Variants in ADSS2 observed in about 807,000 individuals in gnomAD.
ADSS2 encodes the protein adenylosuccinate synthase 2.
A neutral mutation model predicts 60.0 loss-of-function variants in ADSS2; 30 were observed. That is an observed-to-expected ratio of 0.50 (90% CI 0.37 to 0.68). ADSS2 has a LOEUF of 0.68. Among genes scored for constraint, ADSS2 ranks in the 30% least tolerant of loss-of-function variants. The pLI, the probability that ADSS2 is intolerant of heterozygous loss-of-function variation, is 0.00. For missense variants in ADSS2, 373 were observed against 554.8 expected, an observed-to-expected ratio of 0.67 and a Z score of 3.29; for synonymous variants, 187 against 193.1, an observed-to-expected ratio of 0.97 and a Z score of 0.26.
At chr1:244,428,027 T>C (rs1193927422) in intron 4 of ADSS2, among the ~76,000 whole-genome samples, 1 of 152,170 alleles carries the variant, frequency 6.6e-6, no homozygotes, top group East Asian at 1.9e-4. Context: ...ACAATTACTG[T>C]TGGAGGTTCA....
At chr1:244,419,560 T>C (rs1264766451) in intron 8 of ADSS2, among the ~76,000 whole-genome samples, 1 of 152,212 alleles carries the variant, frequency 6.6e-6, no homozygotes, top group Admixed American at 6.5e-5. Context: ...AATAGTTTAC[T>C]TGGAGTCAAA....
At chr1:244,411,163 G>C in intron 12 of ADSS2, 124 bp downstream of exon 12, 1 of 958,594 alleles carries the variant, frequency 1.0e-6, no homozygotes, top group Non-Finnish European at 1.5e-6. Flanking sequence ...AGAGGTTGCA[G>C]TGAGCCGAGA....
intron 12 of ADSS2, among the ~76,000 whole-genome samples, chr1:244,410,061 T>A (rs571006483): frequency 6.6e-6 from 1 of 152,358 alleles, no homozygotes; most frequent in South Asian, 2.1e-4. Context: ...TCGAATCATC[T>A]GCATCACATG....
chr1:244,417,648 A>G lies in ADSS2; in HGVS notation c.1050T>C (p.His350=). 4 of 1,612,344 alleles carry G rather than the reference A, an allele frequency of 2.5e-6. No homozygotes were observed. Among genetic ancestry groups the G allele is most frequent in the Non-Finnish European group, 3.4e-6 (4 of 1,179,904 alleles). ...CTCACGCAGTAAATCCATTGATCAT[A>G]TGAGCATATTTGAGCAAAACGAGGT... is the stretch of plus-strand genomic sequence containing the variant. ...WLDLVLLKYA[H]MINGFTALAL... The change falls in exon 10 of 13, where the codon CAT becomes CAC. Residue 350 remains histidine (H), a synonymous_variant. Transcript: ENST00000366535.
rs777335438 is a variant in ADSS2, at chr1:244,451,607, C to A, written c.183+28G>T. On this transcript the variant is annotated intron_variant, in intron 1 of 12. Coordinates refer to ENST00000366535, the MANE Select transcript of ADSS2 (RefSeq NM_001126.5). The surrounding 1 kb of genome is among the most constrained non-coding windows in gnomAD (Gnocchi z 6.6). ...AGGCAGCCCGAGCTCCCGGGCCCGGCTTCCCATGAGAGGCCCCGTCGCCTC... is the reference window on the plus strand; with the variant it reads ...AGGCAGCCCGAGCTCCCGGGCCCGGATTCCCATGAGAGGCCCCGTCGCCTC... 6.3e-6 allele frequency: 10 copies of A among 1,585,942 alleles called. No homozygotes were observed. In the Admixed American group the frequency reaches 1.4e-4, roughly 22 times the overall value.
chr1:244,437,328 T>A (rs1251298504), intron 2 of ADSS2, among the ~76,000 whole-genome samples: 2 of 152,170 alleles, frequency 1.3e-5, no homozygotes, highest in African/African-American at 4.8e-5. Context: ...CATGAACCTC[T>A]CATATTTCTT....
chr1:244,439,233 C>CT (rs1482900991), intron 1 of ADSS2, among the ~76,000 whole-genome samples: 2 of 152,136 alleles, frequency 1.3e-5, no homozygotes, highest in East Asian at 1.9e-4. Flanking sequence ...GGATTTCATT[C>CT]TTTTTTTGGT....
At chr1:244,434,669 TA>T (rs1665040286) in intron 3 of ADSS2, among the ~76,000 whole-genome samples, 1 of 151,894 alleles carries the variant, frequency 6.6e-6, no homozygotes, top group African/African-American at 2.4e-5. Context: ...AGAAATTCAG[TA>T]AAGTAGATAA....
At chr1:244,437,607 T>C in intron 2 of ADSS2, 59 bp downstream of exon 2, 1 of 1,202,178 alleles carries the variant, frequency 8.3e-7, no homozygotes, top group Non-Finnish European at 1.2e-6. Flanking sequence ...CAATAAAAAA[T>C]AAACGCCATT....
At chr1:244,417,089 C>T (rs1421951180) in intron 10 of ADSS2, among the ~76,000 whole-genome samples, 2 of 152,168 alleles carry the variant, frequency 1.3e-5, no homozygotes, top group East Asian at 3.8e-4. Context: ...TTTCAGTTAG[C>T]CAGGCAGTGT....
At chr1:244,448,071 G>A (rs1159029572) in intron 1 of ADSS2, among the ~76,000 whole-genome samples, 1 of 152,030 alleles carries the variant, frequency 6.6e-6, no homozygotes, top group Non-Finnish European at 1.5e-5. Flanking sequence ...GATATAAAAA[G>A]AATCAGAAAA....
chr1:244,422,806 A>C, intron 7 of ADSS2, 29 bp downstream of exon 7: 1 of 1,520,774 alleles, frequency 6.6e-7, no homozygotes, highest in Admixed American at 1.7e-5. Context: ...AGTATTAAAA[A>C]GAACATTAAA....
intron 4 of ADSS2, among the ~76,000 whole-genome samples, chr1:244,428,193 A>C (rs1161225955): frequency 6.6e-6 from 1 of 152,216 alleles, no homozygotes; most frequent in African/African-American, 2.4e-5. Flanking sequence ...GCATGAAGAC[A>C]TTATCCAAAA....
At chr1:244,438,531 T>C (rs1665156966) in intron 1 of ADSS2, among the ~76,000 whole-genome samples, 1 of 152,194 alleles carries the variant, frequency 6.6e-6, no homozygotes, top group Non-Finnish European at 1.5e-5. Flanking sequence ...AGTAACCAGA[T>C]AACTTTTCTA....
chr1:244,416,227 C>T (rs1341147662), intron 10 of ADSS2, 149 bp from the exon 11 acceptor site: 6 of 612,294 alleles, frequency 9.8e-6, no homozygotes, highest in Non-Finnish European at 1.7e-5. Flanking sequence ...TATTTTAAAG[C>T]GTGCCACACA....
chr1:244,443,980 A>T (rs1490340948), intron 1 of ADSS2, among the ~76,000 whole-genome samples: 32 of 152,276 alleles, frequency 2.1e-4, no homozygotes, highest in Non-Finnish European at 4.4e-5. Context: ...CCCCCCACCA[A>T]CACCCCAAGA....
chr1:244,416,633 T>C (rs551078187), intron 10 of ADSS2, among the ~76,000 whole-genome samples: 23 of 152,350 alleles, frequency 1.5e-4, no homozygotes, highest in African/African-American at 5.3e-4. Flanking sequence ...AGCTTTCTTA[T>C]GATTGATGAA....
chr1:244,413,795 G>C (rs1321586531), intron 11 of ADSS2, among the ~76,000 whole-genome samples: 1 of 152,092 alleles, frequency 6.6e-6, no homozygotes, highest in Admixed American at 6.5e-5. Context: ...GAAAAGGAAG[G>C]GACAGGGTAC....
intron 7 of ADSS2, 69 bp downstream of exon 7, chr1:244,422,766 G>T: frequency 8.3e-7 from 1 of 1,205,324 alleles, no homozygotes; most frequent in South Asian, 1.3e-5. Context: ...CTGCATGAAT[G>T]AAAAGATCTA....
Sources: allele counts gnomAD v4.1 joint callset (sites outside exome capture counted in the v4.1 genomes callset), GRCh38; gene constraint gnomAD v4.1.1; non-coding constraint Gnocchi (gnomAD v3.1); transcripts MANE v1.5; gene names NCBI Gene and HGNC (gene_info 2026-07-23, HGNC 2026-07-21).